The following XRN1 variants were observed in gnomAD, a reference collection of about 807,000 sequenced individuals.
XRN1 encodes strand-exchange protein 1 homolog.
Under a neutral mutation model 222.3 loss-of-function variants are expected in XRN1, and 67 were observed. The ratio of observed to expected loss-of-function variants is 0.30; its 90% CI spans 0.25 to 0.37. The LOEUF is 0.37. Ranked by LOEUF, XRN1 falls within the 10% of genes least tolerant of loss-of-function variation. The pLI is 1.00. For missense variants in XRN1, 1,707 were observed against 2,000.2 expected (o/e 0.85, Z 2.80); for synonymous variants, 643 against 652.4 (o/e 0.99, Z 0.22).
chr3:142,343,717 C>T (rs1471737533), intron 33 of XRN1, among the ~76,000 whole-genome samples: 2 of 152,138 alleles, frequency 1.3e-5, no homozygotes, highest in African/African-American at 4.8e-5. Flanking sequence ...AATAATTCAG[C>T]AATCTCACTG....
chr3:142,420,660 T>C (rs1048921140), intron 10 of XRN1, among the ~76,000 whole-genome samples: 3 of 152,136 alleles, frequency 2.0e-5, no homozygotes, highest in African/African-American at 7.2e-5. Context: ...TGTGAGCCAC[T>C]GCACCTGGCC....
At chr3:142,357,592 T>C (rs997865287) in intron 30 of XRN1, among the ~76,000 whole-genome samples, 16 of 152,162 alleles carry the variant, frequency 1.1e-4, no homozygotes, top group Admixed American at 6.5e-5. Flanking sequence ...ACAACTGGCA[T>C]GCTTTTTTAT....
chr3:142,370,519 A>G lies in XRN1; in HGVS notation c.3170T>C (p.Val1057Ala), dbSNP rs935420818. The G allele has an allele frequency of 1.9e-6, 3 of 1,606,562 alleles. No individual in the cohort carries two copies. The highest frequency in any genetic ancestry group is 1.3e-5 in the African/African-American group (1 of 74,536). The change falls in exon 27 of 41, where the codon GTT (valine) becomes GCT (alanine). Residue 1057 changes from valine (V) to alanine (A), a missense_variant. Around this residue, in one of 2 missense-constraint regions of XRN1, gnomAD observed 1,234 missense variants for 1,518.2 expected, o/e 0.81. Transcript: ENST00000392981. ...TTCGACTTCTTCCTCAATTTTCTCA[A>G]CAATAGCTGCATCCAGAATTTGTAA... Reference protein sequence around the residue: ...CDLQILDAAIVEKIEEEVEKC... With the variant: ...CDLQILDAAIAEKIEEEVEKC...
chr3:142,421,596 C>T (rs2069036844), intron 8 of XRN1, 53 bp from the exon 9 acceptor site: 1 of 1,295,190 alleles, frequency 7.7e-7, no homozygotes, highest in Non-Finnish European at 1.1e-6. Flanking sequence ...TTTTTCTAAA[C>T]AATTCTACAA....
intron 33 of XRN1, among the ~76,000 whole-genome samples, chr3:142,345,485 G>C (rs992330864): frequency 6.6e-6 from 1 of 152,150 alleles, no homozygotes; most frequent in Non-Finnish European, 1.5e-5. Flanking sequence ...CTTTGGATTA[G>C]GGAATGGTTT....
chr3:142,338,173 C>T (rs2065897955), intron 33 of XRN1, among the ~76,000 whole-genome samples: 1 of 152,206 alleles, frequency 6.6e-6, no homozygotes, highest in Non-Finnish European at 1.5e-5. Flanking sequence ...CCCCAACTCC[C>T]CCAACCCCAG....
At chr3:142,443,023 G>A (rs1224113196) in intron 1 of XRN1, among the ~76,000 whole-genome samples, 5 of 152,158 alleles carry the variant, frequency 3.3e-5, no homozygotes, top group Non-Finnish European at 7.3e-5. Flanking sequence ...GTGAGCCACC[G>A]CGCCCGGCCC....
chr3:142,347,412 A>T, intron 32 of XRN1, 70 bp from the exon 33 acceptor site: 1 of 950,078 alleles, frequency 1.1e-6, no homozygotes, highest in Non-Finnish European at 1.5e-6. Flanking sequence ...TTCAACTTTT[A>T]ATAAATACAT....
intron 23 of XRN1, 107 bp downstream of exon 23, chr3:142,379,975 T>C (rs1228380778): frequency 6.0e-6 from 5 of 839,014 alleles, no homozygotes; most frequent in African/African-American, 1.7e-5. Flanking sequence ...AATCTAATCA[T>C]TATTAAATAA....
At position 142,443,397 on chromosome 3, in the gene XRN1, G is replaced by A. The variant is rs554862097; in HGVS notation, c.75+4473C>T. Among the ~76,000 whole-genome samples, 6 of 152,274 alleles carry A rather than the reference G, an allele frequency of 3.9e-5. No individual in the cohort carries two copies. In the South Asian group the frequency reaches 8.3e-4, roughly 21 times the overall value. On this transcript the variant is annotated intron_variant, in intron 1 of 40. Transcript: ENST00000392981. ...CCTAAGCCTAGCTGGGAAGGTGACC[G>A]CATCCACCTTTAAACACGGGGCTTG...
At position 142,308,322 on chromosome 3, in the gene XRN1, G is replaced by A. The variant is rs1237189504; in HGVS notation, c.*3189C>T. On this transcript the variant is annotated 3_prime_UTR_variant, in exon 41 of 41. Transcript: ENST00000392981. Reference sequence around the variant, plus strand: ...CTCTGCCTCCTCTCATTAAAACCAAGAATCTAGCTTAGTTTGGAAGTAGCA... The same window carrying A: ...CTCTGCCTCCTCTCATTAAAACCAAAAATCTAGCTTAGTTTGGAAGTAGCA... 2.0e-5 allele frequency: 3 copies of A among 152,054 alleles called. No individual in the cohort carries two copies. The East Asian group carries it at 5.8e-4, about 29-fold the overall frequency. 9.4% of individuals were successfully genotyped at this position (152,054 alleles called of 1,614,324 possible).
At chr3:142,437,055 A>G (rs963313081) in intron 1 of XRN1, among the ~76,000 whole-genome samples, 2 of 152,204 alleles carry the variant, frequency 1.3e-5, no homozygotes, top group African/African-American at 4.8e-5. Flanking sequence ...GTTTCAGACT[A>G]GTAAGAAAGA....
intron 40 of XRN1, 112 bp from the exon 41 acceptor site, chr3:142,311,925 G>C (rs2065087364): frequency 7.4e-6 from 8 of 1,075,878 alleles, no homozygotes; most frequent in Admixed American, 2.8e-5. Flanking sequence ...CAGCTGATCT[G>C]TGACTTCCAC....
intron 37 of XRN1, among the ~76,000 whole-genome samples, chr3:142,325,758 T>C (rs747824006): frequency 2.6e-5 from 4 of 152,112 alleles, no homozygotes; most frequent in Non-Finnish European, 5.9e-5. Flanking sequence ...TGTACTGGAG[T>C]GTTTCCCCAG....
intron 27 of XRN1, among the ~76,000 whole-genome samples, chr3:142,365,829 CT>C (rs911371427): frequency 1.3e-5 from 2 of 152,096 alleles, no homozygotes; most frequent in Non-Finnish European, 2.9e-5. Context: ...ATTCAAATGT[CT>C]TTTTTATAAC....
chr3:142,418,184 A>G (rs892742029), intron 12 of XRN1: 1 of 237,676 alleles, frequency 4.2e-6, no homozygotes, highest in African/African-American at 2.3e-5. Flanking sequence ...ACTGTAATGA[A>G]GAAGCAGTGG....
At chr3:142,420,586 G>A (rs774540302) in intron 10 of XRN1, among the ~76,000 whole-genome samples, 7 of 152,076 alleles carry the variant, frequency 4.6e-5, no homozygotes, top group Middle Eastern at 6.8e-3. Flanking sequence ...TGGCCAGGCT[G>A]GTCTCAAACT....
chr3:142,387,836 G>A (rs958494982), intron 20 of XRN1, among the ~76,000 whole-genome samples: 1 of 152,102 alleles, frequency 6.6e-6, no homozygotes, highest in East Asian at 1.9e-4. Context: ...CACTCTACTA[G>A]TTCCCATGAG....
intron 33 of XRN1, among the ~76,000 whole-genome samples, chr3:142,343,454 T>TA (rs532574616): frequency 4.8e-4 from 64 of 133,376 alleles, no homozygotes; most frequent in African/African-American, 7.3e-4. Context: ...AATTCCGTCT[T>TA]AAAAAAAAAA....
Sources: allele counts gnomAD v4.1 joint callset (sites outside exome capture counted in the v4.1 genomes callset), GRCh38; gene constraint gnomAD v4.1.1; regional missense constraint gnomAD v4.1.1; transcripts MANE v1.5; gene names NCBI Gene and HGNC (gene_info 2026-07-23, HGNC 2026-07-21).